DNAAF5: variants seen among roughly 807,000 people sequenced by gnomAD.
DNAAF5 encodes HEAT repeat containing 2.
Under a neutral mutation model 75.8 loss-of-function variants are expected in DNAAF5, and 64 were observed. That is an observed-to-expected ratio of 0.84 (90% CI 0.69 to 1.04). The LOEUF is 1.04. Ranked by LOEUF, DNAAF5 falls within the 50% of genes least tolerant of loss-of-function variation. The pLI, the probability that DNAAF5 is intolerant of heterozygous loss-of-function variation, is 0.00. For missense variants in DNAAF5, 1,269 were observed against 1,178.5 expected (o/e 1.08, Z -1.12); for synonymous variants, 657 against 557.2 (o/e 1.18, Z -2.52).
At position 754,081 on chromosome 7, in the gene DNAAF5, TAG is replaced by T. The variant is rs1397605114; in HGVS notation, c.1025-507_1025-506del. Among the ~76,000 whole-genome samples the T allele has an allele frequency of 6.6e-6, 1 of 152,056 alleles. No individual in the cohort carries two copies. Among genetic ancestry groups the T allele is most frequent in the Non-Finnish European group, 1.5e-5 (1 of 68,004 alleles). ...TCGCAGGCGTGTGTCTCTCTGATCA[TAG>T]GGGGACGGCTTCGCAGGCGTGTCTC... On this transcript the variant is annotated intron_variant, in intron 4 of 12. Transcript: ENST00000297440. The surrounding 1 kb of genome is among the most constrained non-coding windows in gnomAD (Gnocchi z 4.8).
intron 7 of DNAAF5, among the ~76,000 whole-genome samples, chr7:762,173 G>A (rs900519809): frequency 3.3e-5 from 5 of 152,300 alleles, no homozygotes; most frequent in East Asian, 1.9e-4. Context: ...TTAAACCTGC[G>A]CACTTGAGTA....
chr7:777,603 T>C (rs1583521807), intron 11 of DNAAF5, among the ~76,000 whole-genome samples: 1 of 152,298 alleles, frequency 6.6e-6, no homozygotes, highest in Non-Finnish European at 1.5e-5. Flanking sequence ...ACTCAGGCGT[T>C]CCTGATTAGC....
At position 765,157 on chromosome 7, in the gene DNAAF5, C is replaced by T. The variant is rs562405884; in HGVS notation, c.1783+1183C>T. On this transcript the variant is annotated intron_variant, in intron 8 of 12. Transcript: ENST00000297440. The stretch of plus-strand genomic sequence containing the variant: ...AAAAAACAAAGCTGGCGATTGCTGA[C>T]GTGCACTCGGGGCATTAAACACTTT... Among the ~76,000 whole-genome samples, 12 of 152,244 alleles carry T rather than the reference C, an allele frequency of 7.9e-5. No homozygotes were observed. In the East Asian group the frequency reaches 1.7e-3, roughly 22 times the overall value.
chr7:727,176 C>G lies in DNAAF5; in HGVS notation c.456C>G (p.Ala152=), dbSNP rs769656987. 2.1e-4 allele frequency: 277 copies of G among 1,334,980 alleles called. No homozygotes were observed. Among genetic ancestry groups the G allele is most frequent in the Middle Eastern group, 1.1e-3 (4 of 3,514 alleles). 82.7% of individuals were successfully genotyped at this position (1,334,980 alleles called of 1,614,324 possible). A position where few individuals can be genotyped will look rare whatever the true frequency, so the allele number is the denominator to read the frequency against. The change falls in exon 1 of 13, where the codon GCC becomes GCG. Residue 152 remains alanine (A), a synonymous_variant. Transcript: ENST00000297440. ...RLALVQLLGL[A]VDLCGAALAP... ...CGCTTGTGCAGCTGCTGGGCCTGGC[C>G]GTGGACCTGTGCGGCGCCGCGCTCG...
chr7:770,774 A>G, intron 9 of DNAAF5, 156 bp downstream of exon 9: 1 of 700,526 alleles, frequency 1.4e-6, no homozygotes, highest in Non-Finnish European at 2.2e-6. Flanking sequence ...CCCCACACTG[A>G]GTCAAAGGTG....
At chr7:756,540 TG>T (rs1340616679) in intron 5 of DNAAF5, among the ~76,000 whole-genome samples, 1 of 152,192 alleles carries the variant, frequency 6.6e-6, no homozygotes, top group Non-Finnish European at 1.5e-5. Context: ...CAGCATCCTT[TG>T]GGCCAGACTT....
At chr7:784,367 C>T (rs1292359303) in intron 12 of DNAAF5, among the ~76,000 whole-genome samples, 1 of 152,214 alleles carries the variant, frequency 6.6e-6, no homozygotes, top group Non-Finnish European at 1.5e-5. Flanking sequence ...TCCCTGACTG[C>T]CTGCCGGGTT....
Position 754,801 on chromosome 7 carries a change from G to T in DNAAF5, c.1237G>T (p.Glu413Ter), listed in dbSNP as rs772126147. The T allele has an allele frequency of 3.7e-6, 6 of 1,605,918 alleles. No homozygotes were observed. The South Asian group carries it at 6.6e-5, about 18-fold the overall frequency. The stretch of plus-strand genomic sequence containing the variant: ...CCTGTTCCAGGCCTGCACCGACGAG[G>T]AGGCAGCCGTGGTCCAAAGTGTAAG... The part of the protein sequence containing the change: ...RTLFQACTDE[E>*]AAVVQSCTRS... The change falls in exon 5 of 13, where the codon GAG becomes TAG. Residue 413 changes from glutamate (E) to a stop codon, truncating the protein, a stop_gained. Transcript: ENST00000297440. LOFTEE classifies it high-confidence loss of function. This position sits in a 1 kb window ranked among gnomAD's most constrained non-coding sequence, Gnocchi z 4.8.
At chr7:761,002 A>G (rs564784747) in intron 6 of DNAAF5, among the ~76,000 whole-genome samples, 2 of 152,326 alleles carry the variant, frequency 1.3e-5, no homozygotes, top group East Asian at 3.9e-4. Flanking sequence ...GCCTGGGGCC[A>G]CTTTTCTTTT....
Position 741,436 on chromosome 7 carries a change from C to CCA in DNAAF5, c.995_996insCA (p.Pro333IlefsTer46). 2.6e-6 allele frequency: 4 copies of CCA among 1,557,612 alleles called. No homozygotes were observed. The highest frequency in any genetic ancestry group is 3.5e-6 in the Non-Finnish European group (4 of 1,147,602). ...CTGAAGGACAAGCTGGACTTTGCCC[C>CCA]TCCCACCCCACCCCATTACCCTCCA... is the stretch of plus-strand genomic sequence containing the variant. On this transcript the variant is annotated frameshift_variant, in exon 4 of 13. Transcript: ENST00000297440. LOFTEE classifies it high-confidence loss of function.
Position 770,401 on chromosome 7 carries a change from G to A in DNAAF5, c.1784-70G>A. On this transcript the variant is annotated intron_variant, in intron 8 of 12. Coordinates refer to ENST00000297440, the MANE Select transcript of DNAAF5 (RefSeq NM_017802.4). ...CCCAGGTGGGAGCGCCTGAGCCTGGGCCTGTGCTGGATGGGGCCTCCTCCC... is the reference window on the plus strand; with the variant it reads ...CCCAGGTGGGAGCGCCTGAGCCTGGACCTGTGCTGGATGGGGCCTCCTCCC... 7 of 1,490,630 alleles carry A rather than the reference G, an allele frequency of 4.7e-6. 1 individual carries two copies. The South Asian group carries it at 7.6e-5, about 16-fold the overall frequency. 92.3% of individuals were successfully genotyped at this position (1,490,630 alleles called of 1,614,324 possible). A position where few individuals can be genotyped will look rare whatever the true frequency, so the allele number is the denominator to read the frequency against.
chr7:783,729 A>G (rs1294422306), intron 12 of DNAAF5, among the ~76,000 whole-genome samples: 1 of 149,740 alleles, frequency 6.7e-6, no homozygotes, highest in East Asian at 2.0e-4. Context: ...AGCTCCCCAC[A>G]CTCCCTGGCA....
intron 10 of DNAAF5, among the ~76,000 whole-genome samples, chr7:774,560 CA>C (rs551690786): frequency 0.37 from 55,414 of 151,522 alleles, 10,355 homozygotes; most frequent in Admixed American, 0.41. Flanking sequence ...GGGCTTTCCG[CA>C]TCGTTTCTAT....
Position 727,264 on chromosome 7 carries a change from GTGCGCCGCGAGAGCTGCAGC to G in DNAAF5, c.553_572del (p.Glu185ArgfsTer38), listed in dbSNP as rs755341023. 32 of 1,327,418 alleles carry G rather than the reference GTGCGCCGCGAGAGCTGCAGC, an allele frequency of 2.4e-5. No homozygotes were observed. The highest frequency in any genetic ancestry group is 3.8e-5 in the Admixed American group (1 of 26,320). 82.2% of individuals were successfully genotyped at this position (1,327,418 alleles called of 1,614,324 possible). On this transcript the variant is annotated frameshift_variant, in exon 1 of 13. Coordinates refer to ENST00000297440, the MANE Select transcript of DNAAF5 (RefSeq NM_017802.4). LOFTEE classifies it high-confidence loss of function. ...CTCCCTGCTCGACCCCTTCGCCGCC[GTGCGCCGCGAGAGCTGCAGC>G]TGCGCCGCCGCCCTGGCGCAGGCCA...
At chr7:760,725 G>A (rs535188165) in intron 6 of DNAAF5, among the ~76,000 whole-genome samples, 2 of 152,214 alleles carry the variant, frequency 1.3e-5, no homozygotes, top group Non-Finnish European at 2.9e-5. Context: ...TCCAGCACAC[G>A]CCTGCTGTGT....
intron 4 of DNAAF5, among the ~76,000 whole-genome samples, chr7:745,882 G>A (rs1166521756): frequency 1.3e-5 from 2 of 152,196 alleles, no homozygotes; most frequent in Non-Finnish European, 2.9e-5. Context: ...CAAGGACTTG[G>A]GAATGTTCCT....
intron 4 of DNAAF5, among the ~76,000 whole-genome samples, chr7:748,675 G>A (rs559099098): frequency 5.3e-4 from 80 of 151,992 alleles, no homozygotes; most frequent in Admixed American, 2.6e-3. Flanking sequence ...CGGTGGACTC[G>A]GGCCCTGTGC....
rs762721262 is a variant in DNAAF5 at position 774,873 on chromosome 7, G to A, written c.2083-133G>A. 581 of 752,724 alleles carry A rather than the reference G, an allele frequency of 7.7e-4. 4 individuals carry two copies. Among genetic ancestry groups the A allele is most frequent in the South Asian group, 1.1e-3 (64 of 58,390 alleles). 46.6% of individuals were successfully genotyped at this position (752,724 alleles called of 1,614,324 possible). ...CTCAAAATCTAAATTTTACAATGAA[G>A]ATTCAAGCCTACTTTTTAGGTAAAG... On this transcript the variant is annotated intron_variant, in intron 10 of 12. Transcript: ENST00000297440.
intron 4 of DNAAF5, among the ~76,000 whole-genome samples, chr7:752,813 G>A (rs971482840): frequency 6.6e-6 from 1 of 152,256 alleles, no homozygotes; most frequent in Non-Finnish European, 1.5e-5. Flanking sequence ...GTTTGGAGAT[G>A]ATGTATGTAA....
Sources: allele counts gnomAD v4.1 joint callset (sites outside exome capture counted in the v4.1 genomes callset), GRCh38; gene constraint gnomAD v4.1.1; non-coding constraint Gnocchi (gnomAD v3.1); transcripts MANE v1.5; gene names NCBI Gene and HGNC (gene_info 2026-07-23, HGNC 2026-07-21).